The following GRIN2A variants were observed in gnomAD, a reference collection of about 807,000 sequenced individuals.
GRIN2A encodes the protein glutamate ionotropic receptor NMDA type subunit 2A.
GRIN2A carries 22 observed loss-of-function variants against 113.4 expected under a neutral mutation model. The ratio of observed to expected loss-of-function variants is 0.19; its 90% CI spans 0.14 to 0.28. GRIN2A has a LOEUF of 0.28. GRIN2A is among the 10% of genes least tolerant of loss of function. The probability of loss-of-function intolerance (pLI) is 1.00; values close to 1 mark genes in which losing one functional copy is unlikely to be tolerated. For missense variants in GRIN2A, 1,502 were observed against 1,887.0 expected, an observed-to-expected ratio of 0.80 and a Z score of 3.78; for synonymous variants, 827 against 738.4, an observed-to-expected ratio of 1.12 and a Z score of -1.94.
At chr16:10,160,477 G>A (rs1333715151) in intron 2 of GRIN2A, among the ~76,000 whole-genome samples, 1 of 152,148 alleles carries the variant, frequency 6.6e-6, no homozygotes, top group South Asian at 2.1e-4. Context: ...GCATGAAGTG[G>A]GGACCTCATG....
chr16:10,070,312 T>C (rs1002211464), intron 2 of GRIN2A, among the ~76,000 whole-genome samples: 4 of 152,178 alleles, frequency 2.6e-5, no homozygotes, highest in Admixed American at 6.5e-5. Flanking sequence ...GTGGGGTCCA[T>C]GGGCCAGCAG....
chr16:9,859,698 A>C (rs1218993552), intron 4 of GRIN2A, among the ~76,000 whole-genome samples: 2 of 151,678 alleles, frequency 1.3e-5, no homozygotes, highest in African/African-American at 2.4e-5. Context: ...CACACCCTGA[A>C]CGACACCCAC....
At chr16:10,026,975 C>T (rs1460045066) in intron 2 of GRIN2A, among the ~76,000 whole-genome samples, 1 of 152,168 alleles carries the variant, frequency 6.6e-6, no homozygotes, top group African/African-American at 2.4e-5. Context: ...CAAATCAAAA[C>T]CCCATCGCAC....
chr16:9,998,406 G>C (rs1432416733), intron 2 of GRIN2A, among the ~76,000 whole-genome samples: 3 of 152,210 alleles, frequency 2.0e-5, no homozygotes, highest in African/African-American at 4.8e-5. Context: ...GGCATGTTGT[G>C]TGAATACTTA....
intron 10 of GRIN2A, 95 bp from the exon 11 acceptor site, chr16:9,798,559 T>C: frequency 2.3e-6 from 2 of 860,554 alleles, no homozygotes; most frequent in East Asian, 2.5e-5. Context: ...TCCCACACTT[T>C]CTTTCATGCT....
At chr16:10,098,416 G>A (rs2048334946) in intron 2 of GRIN2A, among the ~76,000 whole-genome samples, 1 of 152,174 alleles carries the variant, frequency 6.6e-6, no homozygotes, top group Admixed American at 6.5e-5. Flanking sequence ...ATAACTAAAA[G>A]GAGAACTACC....
chr16:9,769,369 T>C (rs1901116801), intron 11 of GRIN2A: 1 of 153,030 alleles, frequency 6.5e-6, no homozygotes, highest in African/African-American at 2.5e-5. Flanking sequence ...TCTCTATTAA[T>C]ATGTATATAT....
chr16:9,914,927 T>G (rs1261037917), intron 3 of GRIN2A, among the ~76,000 whole-genome samples: 1 of 86,280 alleles, frequency 1.2e-5, no homozygotes, highest in African/African-American at 5.4e-5. Context: ...TTTTTTTTTT[T>G]TTTTTTTTTT....
intron 3 of GRIN2A, among the ~76,000 whole-genome samples, chr16:9,934,736 T>C (rs1359696291): frequency 6.6e-6 from 1 of 151,670 alleles, no homozygotes. Flanking sequence ...TTTTTTGTTT[T>C]TAAATGCTTT....
intron 2 of GRIN2A, among the ~76,000 whole-genome samples, chr16:10,120,265 C>A (rs1250802440): frequency 6.6e-6 from 1 of 152,136 alleles, no homozygotes; most frequent in African/African-American, 2.4e-5. Flanking sequence ...CTATGGACTG[C>A]TACCTGCATT....
At chr16:10,123,744 G>C (rs1204540714) in intron 2 of GRIN2A, among the ~76,000 whole-genome samples, 1 of 152,168 alleles carries the variant, frequency 6.6e-6, no homozygotes, top group Non-Finnish European at 1.5e-5. Flanking sequence ...CTGTTTAGCT[G>C]GTTGGTAGGT....
At chr16:10,111,834 G>T (rs34393853) in intron 2 of GRIN2A, 2 of 1,189,612 alleles carry the variant, frequency 1.7e-6, no homozygotes, top group Admixed American at 3.6e-5. Context: ...GCACCATGGG[G>T]AGCAAGTTGG....
chr16:9,902,203 T>C (rs2315274), intron 3 of GRIN2A, among the ~76,000 whole-genome samples: 45,751 of 152,116 alleles, frequency 0.3, 8,189 homozygotes, highest in African/African-American at 0.5. Context: ...GCTTCCCTAG[T>C]AGCTAGGCAT....
At chr16:10,174,478 C>T (rs1364371609) in intron 2 of GRIN2A, among the ~76,000 whole-genome samples, 3 of 152,152 alleles carry the variant, frequency 2.0e-5, no homozygotes, top group Non-Finnish European at 4.4e-5. Context: ...ACTGATTCTA[C>T]AAATGAAGGA....
rs943891511 is a variant in GRIN2A, at chr16:9,761,546, T to C, written c.*1603A>G. On this transcript the variant is annotated 3_prime_UTR_variant, in exon 13 of 13. Transcript: ENST00000330684. ...ACAGAGTAGAACTATATAAAAGGTT[T>C]AGTTAATATTATTTGCTGGTTTTAT... 12 of 228,488 alleles carry C rather than the reference T, an allele frequency of 5.3e-5. No individual in the cohort carries two copies. The highest frequency in any genetic ancestry group is 1.1e-4 in the Admixed American group (2 of 17,620). 14.2% of individuals were successfully genotyped at this position (228,488 alleles called of 1,614,324 possible). A position where few individuals can be genotyped will look rare whatever the true frequency, so the allele number is the denominator to read the frequency against.
At chr16:9,814,171 A>G (rs1429207090) in intron 10 of GRIN2A, among the ~76,000 whole-genome samples, 1 of 152,216 alleles carries the variant, frequency 6.6e-6, no homozygotes, top group East Asian at 1.9e-4. Flanking sequence ...TATGTACTCT[A>G]TAATATATGC....
At chr16:10,056,814 C>A (rs7197538) in intron 2 of GRIN2A, among the ~76,000 whole-genome samples, 1 of 151,884 alleles carries the variant, frequency 6.6e-6, no homozygotes, top group Non-Finnish European at 1.5e-5. Context: ...GGAAAGAGAA[C>A]AGTAATGCCA....
At chr16:10,013,208 A>C (rs1212031400) in intron 2 of GRIN2A, among the ~76,000 whole-genome samples, 1 of 152,194 alleles carries the variant, frequency 6.6e-6, no homozygotes. Flanking sequence ...ATTTTCGTGA[A>C]TACTCATTGG....
At chr16:9,994,461 G>A (rs1465312640) in intron 2 of GRIN2A, among the ~76,000 whole-genome samples, 2 of 152,168 alleles carry the variant, frequency 1.3e-5, no homozygotes, top group Admixed American at 6.5e-5. Context: ...TCAATTAGGA[G>A]GAAAGCATTC....
Sources: allele counts gnomAD v4.1 joint callset (sites outside exome capture counted in the v4.1 genomes callset), GRCh38; gene constraint gnomAD v4.1.1; transcripts MANE v1.5; gene names NCBI Gene and HGNC (gene_info 2026-07-23, HGNC 2026-07-21).